FBLN5: variants seen among roughly 807,000 people sequenced by gnomAD.
FBLN5 encodes fibulin-5.
FBLN5 carries 24 observed loss-of-function variants against 61.6 expected under a neutral mutation model. The observed-to-expected ratio is 0.39, with a 90% CI of 0.28 to 0.55. The LOEUF is 0.55. Among genes scored for constraint, FBLN5 ranks in the 20% least tolerant of loss-of-function variants. FBLN5 has a pLI of 0.65. For missense variants in FBLN5, 470 were observed against 594.1 expected, an observed-to-expected ratio of 0.79 and a Z score of 2.17; for synonymous variants, 213 against 219.8, an observed-to-expected ratio of 0.97 and a Z score of 0.27.
intron 4 of FBLN5, 50 bp from the exon 5 acceptor site, chr14:91,895,122 C>T (rs753325014): frequency 2.5e-6 from 4 of 1,611,202 alleles, no homozygotes; most frequent in African/African-American, 1.3e-5. Context: ...CATCTAGAGC[C>T]CTGGAGCCAC....
At chr14:91,917,188 GGAGA>G (rs1788498800) in intron 4 of FBLN5, among the ~76,000 whole-genome samples, 1 of 152,204 alleles carries the variant, frequency 6.6e-6, no homozygotes, top group Non-Finnish European at 1.5e-5. Context: ...GATAGTCATT[GGAGA>G]GAGAGAAAAA....
At chr14:91,888,678 T>C (rs981204104) in intron 6 of FBLN5, among the ~76,000 whole-genome samples, 1 of 151,562 alleles carries the variant, frequency 6.6e-6, no homozygotes, top group African/African-American at 2.4e-5. Context: ...ATACATATAA[T>C]TGTTTTTGAA....
chr14:91,894,412 A>AC (rs1566807934), intron 5 of FBLN5, among the ~76,000 whole-genome samples: 2 of 147,362 alleles, frequency 1.4e-5, no homozygotes, highest in African/African-American at 2.5e-5. Context: ...CAAAAAAAAA[A>AC]AAAAAAAAAA....
rs1330305441 is a variant in FBLN5 at position 91,943,946 on chromosome 14, A to C, written c.18-985T>G. The stretch of plus-strand genomic sequence containing the variant: ...CCTGGGCTCAGTTCTGCCATGCACA[A>C]GACAGTGATGCTCTGGGAGTCTGCA... On this transcript the variant is annotated intron_variant, in intron 1 of 10. Transcript: ENST00000342058. This position sits in a 1 kb window ranked among gnomAD's most constrained non-coding sequence, Gnocchi z 4.0. Among the ~76,000 whole-genome samples the C allele has an allele frequency of 6.6e-6, 1 of 152,210 alleles. No homozygotes were observed. The highest frequency in any genetic ancestry group is 1.5e-5 in the Non-Finnish European group (1 of 68,024).
intron 5 of FBLN5, 56 bp from the exon 6 acceptor site, chr14:91,891,393 C>T (rs1439757590): frequency 1.0e-5 from 11 of 1,087,802 alleles, no homozygotes; most frequent in African/African-American, 6.2e-5. Context: ...ATGATGCCCC[C>T]ACTAGCATGG....
At chr14:91,889,759 C>T (rs1443292337) in intron 6 of FBLN5, among the ~76,000 whole-genome samples, 1 of 152,230 alleles carries the variant, frequency 6.6e-6, no homozygotes, top group Non-Finnish European at 1.5e-5. Flanking sequence ...TGCAGCATCC[C>T]AGTGGCTGAG....
At chr14:91,928,822 G>A (rs1353705494) in intron 4 of FBLN5, among the ~76,000 whole-genome samples, 1 of 152,190 alleles carries the variant, frequency 6.6e-6, no homozygotes, top group East Asian at 1.9e-4. Flanking sequence ...ACTTTGGGAG[G>A]CACAGGTGGG....
chr14:91,880,323 G>A (rs1427242317), intron 9 of FBLN5, among the ~76,000 whole-genome samples: 5 of 152,198 alleles, frequency 3.3e-5, no homozygotes, highest in East Asian at 3.9e-4. Flanking sequence ...ACACTTTAAC[G>A]AGATCACCAG....
intron 4 of FBLN5, among the ~76,000 whole-genome samples, chr14:91,932,471 C>T (rs2055941019): frequency 3.3e-5 from 5 of 152,288 alleles, no homozygotes; most frequent in East Asian, 3.9e-4. Context: ...TGGCTTCATG[C>T]GGCACCAAGG....
At chr14:91,881,167 G>A (rs927701646) in intron 9 of FBLN5, 125 bp downstream of exon 9, 1 of 925,632 alleles carries the variant, frequency 1.1e-6, no homozygotes, top group Non-Finnish European at 1.7e-6. Flanking sequence ...ATGAGCACAT[G>A]ACGTAGGTAG....
chr14:91,946,273 C>A (rs2056182203), intron 1 of FBLN5, among the ~76,000 whole-genome samples: 1 of 123,614 alleles, frequency 8.1e-6, no homozygotes. Context: ...AATAGCTGCA[C>A]CTTGTGATTA....
intron 4 of FBLN5, among the ~76,000 whole-genome samples, chr14:91,908,872 C>A (rs1890793660): frequency 6.6e-6 from 1 of 151,804 alleles, no homozygotes; most frequent in Non-Finnish European, 1.5e-5. Flanking sequence ...GCTCTTGATT[C>A]AGGAGGTCTA....
intron 6 of FBLN5, among the ~76,000 whole-genome samples, chr14:91,889,035 C>T (rs1470730277): frequency 6.6e-6 from 1 of 152,220 alleles, no homozygotes; most frequent in East Asian, 1.9e-4. Flanking sequence ...AGGCTAATCC[C>T]ATGGCCACAA....
intron 5 of FBLN5, 50 bp from the exon 6 acceptor site, chr14:91,891,387 T>C (rs775352873): frequency 2.3e-5 from 26 of 1,135,330 alleles, no homozygotes; most frequent in Non-Finnish European, 3.0e-5. Flanking sequence ...CACTCAATGA[T>C]GCCCCCACTA....
chr14:91,927,598 G>C (rs74071632), intron 4 of FBLN5, among the ~76,000 whole-genome samples: 1,872 of 152,354 alleles, frequency 0.012, 39 homozygotes, highest in African/African-American at 0.043. Flanking sequence ...CTTCTCTAAG[G>C]AGTATCATAG....
chr14:91,877,800 A>G (rs1048308841), intron 9 of FBLN5, 118 bp from the exon 10 acceptor site: 8 of 779,548 alleles, frequency 1.0e-5, no homozygotes, highest in Middle Eastern at 2.2e-4. Context: ...TCCAAATGCC[A>G]TAACTGTAGA....
intron 3 of FBLN5, 100 bp from the exon 4 acceptor site, chr14:91,937,301 C>T (rs2056034916): frequency 6.6e-7 from 1 of 1,505,894 alleles, no homozygotes. Flanking sequence ...AGGAAGCACT[C>T]CCAAACACCT....
chr14:91,915,179 A>T lies in FBLN5; in HGVS notation c.380-20107T>A, dbSNP rs142826266. Among the ~76,000 whole-genome samples, 529 of 152,106 alleles carry T rather than the reference A, an allele frequency of 3.5e-3. 1 individual carries two copies. Among genetic ancestry groups the T allele is most frequent in the African/African-American group, 0.011 (436 of 41,508 alleles). On this transcript the variant is annotated intron_variant, in intron 4 of 10. Transcript: ENST00000342058. ...TGTCTAAAAAAATAAAAAATAATAA[A>T]AAAAAAAGAGTTAGCACAATATTGG...
intron 5 of FBLN5, among the ~76,000 whole-genome samples, 177 bp downstream of exon 5, chr14:91,894,773 G>T (rs1238114310): frequency 1.3e-5 from 2 of 152,116 alleles, no homozygotes; most frequent in Non-Finnish European, 2.9e-5. Context: ...GGCGATGATG[G>T]CAATTGATTT....
Sources: allele counts gnomAD v4.1 joint callset (sites outside exome capture counted in the v4.1 genomes callset), GRCh38; gene constraint gnomAD v4.1.1; non-coding constraint Gnocchi (gnomAD v3.1); transcripts MANE v1.5; gene names NCBI Gene and HGNC (gene_info 2026-07-23, HGNC 2026-07-21).